Variants in DDX3X observed in about 807,000 individuals in gnomAD.
DDX3X encodes the protein DEAD-box helicase 3 X-linked, also known as ATP-dependent RNA helicase DDX3X.
A neutral mutation model predicts 52.7 loss-of-function variants in DDX3X; 4 were observed. That is an observed-to-expected ratio of 0.08 (90% CI 0.04 to 0.17). The LOEUF (loss-of-function observed/expected upper bound fraction) is 0.17, where lower values mean the gene tolerates loss of function less well. Among genes scored for constraint, DDX3X ranks in the 10% least tolerant of loss-of-function variants. DDX3X has a pLI of 1.00. For missense variants in DDX3X, 222 were observed against 548.6 expected (o/e 0.40, Z 5.95); for synonymous variants, 192 against 178.1 (o/e 1.08, Z -0.62).
At position 41,337,414 on chromosome X, in the gene DDX3X, G is replaced by C; in HGVS notation, c.52G>C (p.Gly18Arg). ...NALGLDQQFA[G>R]LDLNSSDNQS... ...CCATCTCACTCTCTTCTAGTTTGCT[G>C]GCCTAGACCTGAACTCTTCAGATAA... Residue 18 changes from glycine to arginine, a missense_variant, in exon 2 of 17, where the codon GGC (glycine) becomes CGC (arginine). Gly to Arg is a moderately radical substitution (Grantham distance 125, BLOSUM62 -2). This residue lies in a region of DDX3X where 93 missense variants were observed against 123.7 expected (regional missense o/e 0.75). Transcript: ENST00000644876. 1 of 1,209,001 alleles carries C rather than the reference G, an allele frequency of 8.3e-7. No homozygotes were observed. Among genetic ancestry groups the C allele is most frequent in the Non-Finnish European group, 1.1e-6 (1 of 893,626 alleles).
chrX:41,357,188 C>A (rs1351644642), intron 5 of DDX3X, among the ~76,000 whole-genome samples: 1 of 110,846 alleles, frequency 9.0e-6, no homozygotes, highest in Non-Finnish European at 1.9e-5. Context: ...TCCACCTCGG[C>A]TTCCCAAATT....
At chrX:41,345,864 C>T (rs1273859123) in intron 12 of DDX3X, 2 of 259,447 alleles carry the variant, frequency 7.7e-6, no homozygotes, top group African/African-American at 2.9e-5. Flanking sequence ...AGGCACTCAC[C>T]ACTGCACCCA....
intron 3 of DDX3X, chrX:41,340,000 C>T (rs747120032): frequency 9.4e-6 from 1 of 106,446 alleles, no homozygotes; most frequent in East Asian, 2.9e-4. Context: ...CCTCCGCCTC[C>T]TGGGTTCAAG....
chrX:41,338,423 A>C (rs769960296), intron 2 of DDX3X: 7 of 111,930 alleles, frequency 6.3e-5, no homozygotes, highest in African/African-American at 1.6e-4. Context: ...TGACACGTTT[A>C]CTAGTTATAA....
Position 41,344,394 on chromosome X carries a change from T to C in DDX3X, c.1020T>C (p.Phe340=), listed in dbSNP as rs1399529308. 1 of 1,209,642 alleles carries C rather than the reference T, an allele frequency of 8.3e-7. No homozygotes were observed. Among genetic ancestry groups the C allele is most frequent in the African/African-American group, 1.7e-5 (1 of 57,266 alleles). ...MMERGKIGLD[F]CKYLVLDEAD... is the part of the protein sequence containing the mutation. ...AAAGAGGAAAGATTGGATTAGACTTTTGCAAGTATGTTTTATTTTGTTTTT... is the reference window on the plus strand; with the variant it reads ...AAAGAGGAAAGATTGGATTAGACTTCTGCAAGTATGTTTTATTTTGTTTTT... The change falls in exon 10 of 17, where the codon TTT becomes TTC. Residue 340 remains phenylalanine (F), a synonymous_variant. Transcript: ENST00000644876.
intron 5 of DDX3X, among the ~76,000 whole-genome samples, chrX:41,359,596 CAAA>C (rs397895766): frequency 3.8e-5 from 2 of 52,560 alleles, no homozygotes; most frequent in South Asian, 1.1e-3. Flanking sequence ...GATTCCATCT[CAAA>C]AAAAAAAAAA....
rs183752761 is a variant in DDX3X, at chrX:41,340,167, C to T, written c.151+1084C>T. ...CAAGTGATCCACCCGCCTCAGCCTC[C>T]CAAAGTGCTGGGATTACAGGCGTGA... On this transcript the variant is annotated intron_variant, in intron 3 of 16. Transcript: ENST00000644876. 5.4e-5 allele frequency: 6 copies of T among 111,899 alleles called. No homozygotes were observed. The Admixed American group carries it at 5.7e-4, about 11-fold the overall frequency. The allele number at this position is 111,899 out of a possible 1,213,427, so 9.2% of individuals were successfully genotyped here. A position where few individuals can be genotyped will look rare whatever the true frequency, so the allele number is the denominator to read the frequency against.
At chrX:41,353,623 T>C (rs2063997682), downstream of DDX3X, among the ~76,000 whole-genome samples, 1 of 105,684 alleles carries the variant, frequency 9.5e-6, no homozygotes, top group Non-Finnish European at 1.9e-5. Flanking sequence ...AAAAAAAAAT[T>C]AGCTGGGCGT....
chrX:41,334,267 A>C lies in DDX3X; in HGVS notation c.15A>C (p.Ala5=). 1 of 1,211,426 alleles carries C rather than the reference A, an allele frequency of 8.3e-7. No homozygotes were observed. The change falls in exon 1 of 17, where the codon GCA becomes GCC. Residue 5 remains alanine (A), a synonymous_variant. Coordinates refer to ENST00000644876, the MANE Select transcript of DDX3X (RefSeq NM_001356.5). Reference sequence around the variant, plus strand: ...ACTCTTCAGGGATGAGTCATGTGGCAGTGGAAAATGCGCTCGGGCTGGACC... The same window carrying C: ...ACTCTTCAGGGATGAGTCATGTGGCCGTGGAAAATGCGCTCGGGCTGGACC... The part of the protein sequence containing the change: MSHV[A]VENALGLDQQ...
rs1012287078 is a variant in DDX3X, at chrX:41,341,499, A to G, written c.167A>G (p.Asp56Gly). ...REATKGFYDK[D>G]SSGWSSSKDK... Reference sequence around the variant, plus strand: ...TTAATCAAAGGTTTCTACGATAAAGACAGTTCAGGGTGGAGTTCTAGCAAA... The same window carrying G: ...TTAATCAAAGGTTTCTACGATAAAGGCAGTTCAGGGTGGAGTTCTAGCAAA... The change falls in exon 4 of 17, where the codon GAC becomes GGC. Residue 56 changes from aspartate to glycine, a missense_variant. By Grantham distance (94) the Asp-to-Gly change is moderately conservative. This residue lies in a region of DDX3X where 93 missense variants were observed against 123.7 expected (regional missense o/e 0.75). Coordinates refer to ENST00000644876, the MANE Select transcript of DDX3X (RefSeq NM_001356.5). 3.3e-6 allele frequency: 4 copies of G among 1,204,172 alleles called. No individual in the cohort carries two copies.
rs191556194 is a variant in DDX3X at position 41,349,327 on chromosome X, T to C, written c.*1608T>C. The C allele has an allele frequency of 1.8e-5, 2 of 111,913 alleles. No individual in the cohort carries two copies. Among genetic ancestry groups the C allele is most frequent in the Admixed American group, 1.9e-4 (2 of 10,376 alleles). The allele number at this position is 111,913 out of a possible 1,213,427, so 9.2% of individuals were successfully genotyped here. On this transcript the variant is annotated 3_prime_UTR_variant, in exon 17 of 17. Transcript: ENST00000644876. Reference sequence around the variant, plus strand: ...TTCAGAGAATTTTATATATATGTCTTGTGTGCGTGTCCTTAAACTTCCAAT... The same window carrying C: ...TTCAGAGAATTTTATATATATGTCTCGTGTGCGTGTCCTTAAACTTCCAAT...
chrX:41,356,035 CTCAA>C (rs1037894098), intron 5 of DDX3X, among the ~76,000 whole-genome samples: 26 of 110,964 alleles, frequency 2.3e-4, no homozygotes, highest in Admixed American at 6.8e-4. Context: ...AATATTTTCT[CTCAA>C]TCAAAGTCGT....
chrX:41,349,178 T>C lies in DDX3X; in HGVS notation c.*1459T>C, dbSNP rs1033012566. 5.3e-5 allele frequency: 6 copies of C among 112,565 alleles called. No homozygotes were observed. Among genetic ancestry groups the C allele is most frequent in the African/African-American group, 1.3e-4 (4 of 30,905 alleles). 9.3% of individuals were successfully genotyped at this position (112,565 alleles called of 1,213,427 possible). On this transcript the variant is annotated 3_prime_UTR_variant, in exon 17 of 17. Coordinates refer to ENST00000644876, the MANE Select transcript of DDX3X (RefSeq NM_001356.5). ...TGTATTGTGCCTTGTTCTAAAACTT[T>C]TATTAAGTAGGTGCACTTGACAGTA...
chrX:41,358,378 C>T (rs1405945712), intron 5 of DDX3X, among the ~76,000 whole-genome samples: 2 of 110,701 alleles, frequency 1.8e-5, no homozygotes, highest in African/African-American at 6.6e-5. Flanking sequence ...GCCTGGTCGA[C>T]GCTTTCTAAT....
chrX:41,358,611 G>C lies in DDX3X; in HGVS notation c.655-5663G>C, dbSNP rs552925473. On this transcript the variant is annotated intron_variant, in intron 5 of 5. Transcript: ENST00000616050. ...AAAATTTCCATGTCAATTTTCATCAGGGAACCTTGTCCTTGAATGCTGCTG... is the reference window on the plus strand; with the variant it reads ...AAAATTTCCATGTCAATTTTCATCACGGAACCTTGTCCTTGAATGCTGCTG... Among the ~76,000 whole-genome samples the C allele has an allele frequency of 4.5e-5, 5 of 111,516 alleles. No homozygotes were observed. In the South Asian group the frequency reaches 1.5e-3, roughly 33 times the overall value.
chrX:41,346,737 A>G, intron 14 of DDX3X, 115 bp downstream of exon 14: 1 of 969,343 alleles, frequency 1.0e-6, no homozygotes, highest in African/African-American at 1.9e-5. Flanking sequence ...GATTTTGCTC[A>G]AAGCACTTGT....
chrX:41,361,011 T>C (rs1275443992), intron 5 of DDX3X, among the ~76,000 whole-genome samples: 1 of 108,960 alleles, frequency 9.2e-6, no homozygotes, highest in African/African-American at 3.3e-5. Context: ...CCCAAACTGT[T>C]GGAATTACAG....
At chrX:41,344,974 CT>C (rs1412244614) in intron 10 of DDX3X, among the ~76,000 whole-genome samples, 1 of 111,916 alleles carries the variant, frequency 8.9e-6, no homozygotes, top group Non-Finnish European at 1.9e-5. Context: ...GCTAATTTGA[CT>C]GTGTAATCTT....
chrX:41,334,056 G>A, upstream of DDX3X: 1 of 435,299 alleles, frequency 2.3e-6, no homozygotes, highest in South Asian at 3.7e-5. Context: ...GGCAGAAGTC[G>A]CCGCGACAGG....
Sources: allele counts gnomAD v4.1 joint callset (sites outside exome capture counted in the v4.1 genomes callset), GRCh38; gene constraint gnomAD v4.1.1; regional missense constraint gnomAD v4.1.1; transcripts MANE v1.5; gene names NCBI Gene and HGNC (gene_info 2026-07-23, HGNC 2026-07-21).